The following HTR1D variants were observed in gnomAD, a reference collection of about 807,000 sequenced individuals.
HTR1D encodes the protein 5-HT-1D.
Under a neutral mutation model 21.1 loss-of-function variants are expected in HTR1D, and 18 were observed. The observed-to-expected ratio is 0.85, with a 90% CI of 0.59 to 1.27. HTR1D has a LOEUF of 1.27. Among genes scored for constraint, HTR1D ranks in the 50% most tolerant of loss-of-function variants. The probability of loss-of-function intolerance (pLI) is 0.00; values close to 1 mark genes in which losing one functional copy is unlikely to be tolerated. For synonymous variants in HTR1D, 196 were observed against 204.4 expected, an observed-to-expected ratio of 0.96 and a Z score of 0.35; for missense variants, 456 against 481.4, an observed-to-expected ratio of 0.95 and a Z score of 0.49.
In HTR1D at chr1:23,193,972, G is replaced by C. The variant is rs762319746; in HGVS notation, c.248C>G (p.Thr83Ser). The change falls in exon 2 of 2, where the codon ACC (threonine) becomes AGC (serine). Residue 83 changes from threonine to serine, a missense_variant. Thr to Ser is a moderately conservative substitution (Grantham distance 58). Coordinates refer to ENST00000374619, the MANE Select transcript of HTR1D (RefSeq NM_000864.5). Reference protein sequence around the residue: ...ANYLIGSLATTDLLVSILVMP... With the variant: ...ANYLIGSLATSDLLVSILVMP... ...TACCAAGATGGAAACCAAGAGGTCGGTGGTGGCCAGGGAGCCAATCAGGTA... is the reference window on the plus strand; with the variant it reads ...TACCAAGATGGAAACCAAGAGGTCGCTGGTGGCCAGGGAGCCAATCAGGTA... The C allele has an allele frequency of 3.1e-6, 5 of 1,614,214 alleles. No homozygotes were observed. Among genetic ancestry groups the C allele is most frequent in the South Asian group, 2.2e-5 (2 of 91,084 alleles).
intron 1 of HTR1D, among the ~76,000 whole-genome samples, chr1:23,202,684 T>C (rs112293259): frequency 0.012 from 1,902 of 152,334 alleles, 22 homozygotes; most frequent in Non-Finnish European, 0.018. Flanking sequence ...GTAGAAGCTG[T>C]GTACACAGAT....
intron 1 of HTR1D, among the ~76,000 whole-genome samples, chr1:23,198,996 C>T (rs1184607970): frequency 1.3e-5 from 2 of 152,058 alleles, no homozygotes; most frequent in Non-Finnish European, 2.9e-5. Context: ...GCTGGGATTA[C>T]AGGTGTGTAC....
At chr1:23,203,211 T>C (rs916278140) in intron 1 of HTR1D, among the ~76,000 whole-genome samples, 3 of 152,086 alleles carry the variant, frequency 2.0e-5, no homozygotes, top group Non-Finnish European at 2.9e-5. Flanking sequence ...ATCTGGAAAG[T>C]TTTAACATGG....
At chr1:23,210,782 G>A (rs1644750518) in intron 1 of HTR1D, among the ~76,000 whole-genome samples, 1 of 152,046 alleles carries the variant, frequency 6.6e-6, no homozygotes, top group African/African-American at 2.4e-5. Flanking sequence ...GAGCCGACTG[G>A]CAGGGCTGAC....
intron 1 of HTR1D, among the ~76,000 whole-genome samples, chr1:23,199,934 G>C (rs1005596278): frequency 6.6e-6 from 1 of 152,240 alleles, no homozygotes; most frequent in East Asian, 1.9e-4. Flanking sequence ...TTGAGTTCCT[G>C]ACCTCAGGTG....
At chr1:23,207,575 A>C (rs549771968) in intron 1 of HTR1D, among the ~76,000 whole-genome samples, 1 of 152,282 alleles carries the variant, frequency 6.6e-6, no homozygotes, top group Non-Finnish European at 1.5e-5. Context: ...CATCACTGAC[A>C]ATTTGGCTAC....
intron 1 of HTR1D, among the ~76,000 whole-genome samples, chr1:23,196,449 A>G (rs1031613785): frequency 6.6e-6 from 1 of 151,680 alleles, no homozygotes; most frequent in African/African-American, 2.4e-5. Context: ...TGCCAAAAAA[A>G]AAAAAAAAGA....
At chr1:23,208,402 T>C (rs182287422) in intron 1 of HTR1D, among the ~76,000 whole-genome samples, 95 of 151,948 alleles carry the variant, frequency 6.3e-4, no homozygotes, top group African/African-American at 2.2e-3. Flanking sequence ...TGAAACCCTG[T>C]CTCTAATAAA....
At chr1:23,195,915 ACCTC>A (rs1644686956) in intron 1 of HTR1D, among the ~76,000 whole-genome samples, 1 of 152,118 alleles carries the variant, frequency 6.6e-6, no homozygotes, top group Admixed American at 6.6e-5. Flanking sequence ...TGCAGCCTCG[ACCTC>A]CTGGATCAAG....
intron 1 of HTR1D, among the ~76,000 whole-genome samples, chr1:23,195,789 T>C (rs1644686496): frequency 6.6e-6 from 1 of 152,118 alleles, no homozygotes; most frequent in African/African-American, 2.4e-5. Flanking sequence ...GGTTGTTCAT[T>C]TGAATCCTAT....
chr1:23,203,438 C>G (rs1644717545), intron 1 of HTR1D, among the ~76,000 whole-genome samples: 1 of 152,174 alleles, frequency 6.6e-6, no homozygotes, highest in Non-Finnish European at 1.5e-5. Flanking sequence ...AGTGAGATCA[C>G]TTGAGGCCAG....
chr1:23,214,717 G>A (rs541228473), intron 1 of HTR1D, among the ~76,000 whole-genome samples: 27 of 152,050 alleles, frequency 1.8e-4, no homozygotes, highest in African/African-American at 4.1e-4. Context: ...TGTTTATTGC[G>A]TATCTTTCCC....
At chr1:23,200,038 A>C (rs1644704077) in intron 1 of HTR1D, among the ~76,000 whole-genome samples, 1 of 152,142 alleles carries the variant, frequency 6.6e-6, no homozygotes, top group South Asian at 2.1e-4. Context: ...TATTTTGTAT[A>C]TTATGAAAAA....
At chr1:23,198,605 A>G (rs1440516861) in intron 1 of HTR1D, among the ~76,000 whole-genome samples, 1 of 152,170 alleles carries the variant, frequency 6.6e-6, no homozygotes, top group East Asian at 1.9e-4. Flanking sequence ...ACTAAAAACA[A>G]CCAAACGTCC....
At position 23,209,298 on chromosome 1, in the gene HTR1D, C is replaced by T. The variant is rs150743733; in HGVS notation, c.-783+7993G>A. The stretch of plus-strand genomic sequence containing the variant: ...TACAGGCGTGAGCTACCGCACTCAG[C>T]CTAGTTTCACTTTTTAAAAATGTGG... On this transcript the variant is annotated intron_variant, in intron 1 of 1. Transcript: ENST00000374619. Among the ~76,000 whole-genome samples the T allele has an allele frequency of 5.9e-4, 90 of 152,290 alleles. No homozygotes were observed. The East Asian group carries it at 9.1e-3, about 15-fold the overall frequency.
At chr1:23,208,188 G>A (rs1480446985) in intron 1 of HTR1D, among the ~76,000 whole-genome samples, 2 of 152,200 alleles carry the variant, frequency 1.3e-5, no homozygotes, top group Admixed American at 6.5e-5. Flanking sequence ...CAGCACTTTC[G>A]GAGATGGAGG....
Position 23,194,406 on chromosome 1 carries a change from A to G in HTR1D, c.-187T>C. 4 of 425,130 alleles carry G rather than the reference A, an allele frequency of 9.4e-6. No individual in the cohort carries two copies. The highest frequency in any genetic ancestry group is 1.7e-5 in the Non-Finnish European group (4 of 232,948). 26.3% of individuals were successfully genotyped at this position (425,130 alleles called of 1,614,324 possible). A position where few individuals can be genotyped will look rare whatever the true frequency, so the allele number is the denominator to read the frequency against. On this transcript the variant is annotated 5_prime_UTR_variant, in exon 2 of 2. Transcript: ENST00000374619. ...GTACAGTTGCAATAAAATAAAATTA[A>G]ATAACAATAATAATAATAATATTAA...
rs538235544 is a variant in HTR1D at position 23,210,580 on chromosome 1, A to T, written c.-783+6711T>A. Reference sequence around the variant, plus strand: ...GGGCAAGACACTTGCTCAAGGTAACACAGTGTGTTACAGGCTGAGACCAAG... The same window carrying T: ...GGGCAAGACACTTGCTCAAGGTAACTCAGTGTGTTACAGGCTGAGACCAAG... On this transcript the variant is annotated intron_variant, in intron 1 of 1. Transcript: ENST00000374619. 3.3e-5 allele frequency among the ~76,000 whole-genome samples: 5 copies of T among 152,194 alleles called. No homozygotes were observed. In the East Asian group the frequency reaches 5.8e-4, roughly 18 times the overall value.
intron 1 of HTR1D, among the ~76,000 whole-genome samples, chr1:23,196,684 G>A (rs929609632): frequency 6.6e-6 from 1 of 152,166 alleles, no homozygotes; most frequent in Non-Finnish European, 1.5e-5. Context: ...TAGCTTTGGG[G>A]CTAAGAGTCA....
Sources: gnomAD v4.1 joint callset for allele counts (sites outside exome capture counted in the v4.1 genomes callset) on GRCh38, gnomAD v4.1.1 for gene constraint, MANE v1.5 for transcripts, NCBI Gene and HGNC (gene_info 2026-07-23, HGNC 2026-07-21) for gene names.